CACNA1E: variants seen among roughly 807,000 people sequenced by gnomAD.
The protein encoded by CACNA1E is voltage-dependent R-type calcium channel subunit alpha-1E.
CACNA1E carries 40 observed loss-of-function variants against 259.2 expected under a neutral mutation model. That is an observed-to-expected ratio of 0.15 (90% confidence interval 0.12 to 0.20). The LOEUF is 0.20. Among genes scored for constraint, CACNA1E ranks in the 10% least tolerant of loss-of-function variants. The probability of loss-of-function intolerance (pLI) is 1.00; values close to 1 mark genes in which losing one functional copy is unlikely to be tolerated. For synonymous variants in CACNA1E, 1,104 were observed against 1,138.5 expected, an observed-to-expected ratio of 0.97 and a Z score of 0.61; for missense variants, 1,874 against 3,040.1, an observed-to-expected ratio of 0.62 and a Z score of 9.02.
intron 6 of CACNA1E, among the ~76,000 whole-genome samples, chr1:181,644,099 G>A (rs1351994032): frequency 6.6e-6 from 1 of 152,140 alleles, no homozygotes; most frequent in Non-Finnish European, 1.5e-5. Flanking sequence ...TCTTGCCTGG[G>A]GGCTGAGAAG....
intron 7 of CACNA1E, among the ~76,000 whole-genome samples, chr1:181,661,923 C>T (rs1647723193): frequency 6.6e-6 from 1 of 152,156 alleles, no homozygotes; most frequent in Non-Finnish European, 1.5e-5. Context: ...TTTAAATGTC[C>T]TTTATGGAAG....
chr1:181,318,025 C>T (rs961410653), exon 1 of CACNA1E: 2 of 144,058 alleles, frequency 1.4e-5, no homozygotes, highest in African/African-American at 5.0e-5. Context: ...GCCCTCCCAT[C>T]CCCACCCCTT....
At chr1:181,668,161 A>G (rs1233718545) in intron 7 of CACNA1E, among the ~76,000 whole-genome samples, 2 of 152,204 alleles carry the variant, frequency 1.3e-5, no homozygotes, top group Non-Finnish European at 1.5e-5. Flanking sequence ...CTTTATAGCC[A>G]CATCTACTAT....
At chr1:181,686,594 A>G in intron 7 of CACNA1E, among the ~76,000 whole-genome samples, 1 of 152,120 alleles carries the variant, frequency 6.6e-6, no homozygotes, top group African/African-American at 2.4e-5. Flanking sequence ...GCCAGAGCCA[A>G]GTTTTTTAAG....
chr1:181,653,563 G>A (rs964954314), intron 7 of CACNA1E, among the ~76,000 whole-genome samples: 5 of 152,140 alleles, frequency 3.3e-5, no homozygotes, highest in African/African-American at 1.2e-4. Flanking sequence ...ATACAGCTGT[G>A]CTCCCTCCAA....
intron 3 of CACNA1E, among the ~76,000 whole-genome samples, chr1:181,557,944 C>T (rs1201420487): frequency 6.6e-6 from 1 of 152,184 alleles, no homozygotes; most frequent in Non-Finnish European, 1.5e-5. Context: ...TAGACTGCCT[C>T]TGCAGTGTTT....
At chr1:181,388,845 G>A (rs1049872728) in intron 1 of CACNA1E, among the ~76,000 whole-genome samples, 3 of 151,906 alleles carry the variant, frequency 2.0e-5, no homozygotes, top group African/African-American at 7.3e-5. Flanking sequence ...AAGCCAAGAT[G>A]GCGCCATTGC....
At chr1:181,690,440 A>C (rs1395216894) in intron 7 of CACNA1E, among the ~76,000 whole-genome samples, 1 of 152,010 alleles carries the variant, frequency 6.6e-6, no homozygotes, top group Admixed American at 6.6e-5. Context: ...TTTTGTTTAG[A>C]ATTGTCTTGG....
intron 6 of CACNA1E, among the ~76,000 whole-genome samples, chr1:181,615,415 C>T (rs1225788306): frequency 2.6e-5 from 4 of 152,140 alleles, no homozygotes; most frequent in Non-Finnish European, 2.9e-5. Context: ...GTCTTGAACT[C>T]CTGAGCTCAT....
At chr1:181,637,158 A>G (rs914994649) in intron 6 of CACNA1E, among the ~76,000 whole-genome samples, 4 of 152,352 alleles carry the variant, frequency 2.6e-5, no homozygotes, top group Admixed American at 2.6e-4. Flanking sequence ...TATATGAGAA[A>G]GCAGAATCTA....
intron 46 of CACNA1E, among the ~76,000 whole-genome samples, chr1:181,795,720 G>A (rs1189260966): frequency 1.4e-5 from 2 of 147,870 alleles, no homozygotes; most frequent in African/African-American, 2.5e-5. Flanking sequence ...GATTACAGGC[G>A]TGAGCCGCTG....
At chr1:181,510,440 T>C in intron 1 of CACNA1E, 37 bp from the exon 2 acceptor site, 1 of 1,419,134 alleles carries the variant, frequency 7.0e-7, no homozygotes, top group Non-Finnish European at 1.0e-6. Flanking sequence ...GCTGTGTCCC[T>C]CTCTGGTGAA....
chr1:181,321,499 T>G (rs1650340975), intron 1 of CACNA1E, among the ~76,000 whole-genome samples: 1 of 152,244 alleles, frequency 6.6e-6, no homozygotes, highest in African/African-American at 2.4e-5. Flanking sequence ...TCTCAGAGAC[T>G]GACCATGGCC....
intron 7 of CACNA1E, among the ~76,000 whole-genome samples, chr1:181,701,102 G>A (rs1652204002): frequency 6.6e-6 from 1 of 152,170 alleles, no homozygotes; most frequent in African/African-American, 2.4e-5. Flanking sequence ...TAAATTATCT[G>A]GGGATGTTTA....
chr1:181,749,600 C>T (rs1201903707), intron 25 of CACNA1E, among the ~76,000 whole-genome samples: 1 of 152,176 alleles, frequency 6.6e-6, no homozygotes, highest in African/African-American at 2.4e-5. Flanking sequence ...ATAGTGATTC[C>T]TATGTGCTAA....
chr1:181,725,259 A>G (rs540594406), intron 17 of CACNA1E, among the ~76,000 whole-genome samples: 1 of 152,288 alleles, frequency 6.6e-6, no homozygotes, highest in Admixed American at 6.5e-5. Context: ...TCTTATCTGC[A>G]TATATGGTAG....
At chr1:181,343,741 G>C (rs1652361326) in intron 1 of CACNA1E, among the ~76,000 whole-genome samples, 1 of 152,154 alleles carries the variant, frequency 6.6e-6, no homozygotes, top group Non-Finnish European at 1.5e-5. Flanking sequence ...CCCTTGCATT[G>C]CATCCTTGCA....
chr1:181,341,364 C>A (rs142350357), intron 1 of CACNA1E, among the ~76,000 whole-genome samples: 1 of 152,324 alleles, frequency 6.6e-6, no homozygotes, highest in Non-Finnish European at 1.5e-5. Flanking sequence ...CTAGAGGTTG[C>A]ATTGTCAGGT....
Position 181,801,764 on chromosome 1 carries a change from T to G in CACNA1E, c.*2930T>G, listed in dbSNP as rs147911433. On this transcript the variant is annotated 3_prime_UTR_variant, in exon 48 of 48. Transcript: ENST00000367573. Reference sequence around the variant, plus strand: ...ATGCAAAAGAAGACTACAACCAGTGTTTCAGATATACCACAAGATCAAATT... The same window carrying G: ...ATGCAAAAGAAGACTACAACCAGTGGTTCAGATATACCACAAGATCAAATT... The G allele has an allele frequency of 3.9e-5, 6 of 152,266 alleles. No individual in the cohort carries two copies. Among genetic ancestry groups the G allele is most frequent in the Non-Finnish European group, 5.9e-5 (4 of 68,014 alleles). The allele number at this position is 152,266 out of a possible 1,614,324, so 9.4% of individuals were successfully genotyped here.
Sources: gnomAD v4.1 joint callset for allele counts (sites outside exome capture counted in the v4.1 genomes callset) on GRCh38, gnomAD v4.1.1 for gene constraint, MANE v1.5 for transcripts, NCBI Gene and HGNC (gene_info 2026-07-23, HGNC 2026-07-21) for gene names.